Variants in FRAS1 observed in about 807,000 individuals in gnomAD.
The protein encoded by FRAS1 is extracellular matrix organizing protein FRAS1.
Under a neutral mutation model 435.2 loss-of-function variants are expected in FRAS1, and 290 were observed. The observed-to-expected ratio is 0.67, with a 90% CI of 0.61 to 0.73. The LOEUF is 0.73. Among genes scored for constraint, FRAS1 ranks in the 30% least tolerant of loss-of-function variants. The probability of loss-of-function intolerance (pLI) is 0.00; values close to 1 mark genes in which losing one functional copy is unlikely to be tolerated. For missense variants in FRAS1, 4,860 were observed against 5,001.5 expected, an observed-to-expected ratio of 0.97 and a Z score of 0.85; for synonymous variants, 1,800 against 1,851.0, an observed-to-expected ratio of 0.97 and a Z score of 0.71.
chr4:78,183,069 G>A (rs1722102872), intron 2 of FRAS1, among the ~76,000 whole-genome samples: 1 of 152,120 alleles, frequency 6.6e-6, no homozygotes, highest in African/African-American at 2.4e-5. Context: ...AAAACCAGGA[G>A]AGAGCAATGC....
intron 20 of FRAS1, among the ~76,000 whole-genome samples, chr4:78,344,334 A>T (rs1730515328): frequency 6.6e-6 from 1 of 152,084 alleles, no homozygotes; most frequent in South Asian, 2.1e-4. Flanking sequence ...ATTCGCAATG[A>T]TCCTCGAAGG....
At chr4:78,467,430 TCCATTGTGTATATGTA>T in intron 50 of FRAS1, among the ~76,000 whole-genome samples, 1 of 152,354 alleles carries the variant, frequency 6.6e-6, no homozygotes, top group South Asian at 2.1e-4. Context: ...TGAATAGTAC[TCCATTGTGTATATGTA>T]CCACATTTTC....
chr4:78,262,472 A>C (rs1000623542), intron 6 of FRAS1, among the ~76,000 whole-genome samples: 2 of 152,142 alleles, frequency 1.3e-5, no homozygotes, highest in African/African-American at 4.8e-5. Flanking sequence ...GGAAGGTGGA[A>C]AGTTGGGAAG....
chr4:78,333,271 G>C lies in FRAS1; in HGVS notation c.2138-1G>C, dbSNP rs1730016379. ...TCTCCTTTGCTTTATCTTTCCCCCA[G>C]CTTGCCACCAGTCCTGTTTCAGATG... is the stretch of plus-strand genomic sequence containing the variant. On this transcript the variant is annotated splice_acceptor_variant, in intron 18 of 73. Coordinates refer to ENST00000512123, the MANE Select transcript of FRAS1 (RefSeq NM_025074.7). LOFTEE classifies it high-confidence loss of function. 6.2e-7 allele frequency: 1 copy of C among 1,601,078 alleles called. No homozygotes were observed. The highest frequency in any genetic ancestry group is 8.5e-7 in the Non-Finnish European group (1 of 1,174,076).
At chr4:78,267,757 G>A (rs1433996236) in intron 9 of FRAS1, among the ~76,000 whole-genome samples, 3 of 152,212 alleles carry the variant, frequency 2.0e-5, no homozygotes, top group Non-Finnish European at 4.4e-5. Flanking sequence ...ATTGCTGATG[G>A]CCTGCCCAGT....
intron 2 of FRAS1, among the ~76,000 whole-genome samples, chr4:78,194,689 GT>G (rs1347277652): frequency 1.3e-5 from 2 of 151,886 alleles, no homozygotes; most frequent in African/African-American, 4.8e-5. Flanking sequence ...TTTTTTCAAG[GT>G]TTTTAACTTC....
chr4:78,425,722 G>T (rs1320384757), intron 35 of FRAS1, among the ~76,000 whole-genome samples: 3 of 152,116 alleles, frequency 2.0e-5, no homozygotes, highest in Non-Finnish European at 4.4e-5. Flanking sequence ...ATATATGGCA[G>T]ATTTTTATAT....
intron 2 of FRAS1, among the ~76,000 whole-genome samples, chr4:78,074,771 T>G (rs905823447): frequency 2.0e-5 from 3 of 152,124 alleles, no homozygotes; most frequent in African/African-American, 7.2e-5. Context: ...AATAGCACCT[T>G]CCTTCCCTCA....
At chr4:78,333,102 G>A (rs1730009260) in intron 18 of FRAS1, among the ~76,000 whole-genome samples, 170 bp from the exon 19 acceptor site, 1 of 146,710 alleles carries the variant, frequency 6.8e-6, no homozygotes, top group Non-Finnish European at 1.6e-5. Context: ...TTGCTTTGCA[G>A]GAGACTGCCT....
intron 2 of FRAS1, among the ~76,000 whole-genome samples, chr4:78,085,826 G>A (rs566938371): frequency 1.3e-5 from 2 of 152,148 alleles, no homozygotes; most frequent in South Asian, 4.2e-4. Context: ...AATAATAATG[G>A]GAGACTTTAA....
Position 78,466,264 on chromosome 4 carries a change from A to C in FRAS1, c.7086A>C (p.Arg2362=). ...VQPPRHGTIE[R]TSNGQHFHLT... ...CTCCACGCCATGGCACCATCGAGCGAACCAGCAATGGGCAGCATTTCCACC... is the reference window on the plus strand; with the variant it reads ...CTCCACGCCATGGCACCATCGAGCGCACCAGCAATGGGCAGCATTTCCACC... Residue 2362 remains arginine, a synonymous_variant, in exon 50 of 74, where the codon CGA becomes CGC. Coordinates refer to ENST00000512123, the MANE Select transcript of FRAS1 (RefSeq NM_025074.7). The C allele has an allele frequency of 6.2e-7, 1 of 1,613,958 alleles. No homozygotes were observed. Among genetic ancestry groups the C allele is most frequent in the Non-Finnish European group, 8.5e-7 (1 of 1,179,854 alleles).
chr4:78,329,494 C>T (rs1427283942), intron 18 of FRAS1, among the ~76,000 whole-genome samples: 3 of 152,204 alleles, frequency 2.0e-5, no homozygotes, highest in African/African-American at 4.8e-5. Flanking sequence ...TCCATTCAAA[C>T]GGCTCATTTT....
intron 2 of FRAS1, among the ~76,000 whole-genome samples, chr4:78,085,877 G>A (rs995784674): frequency 6.6e-6 from 1 of 152,066 alleles, no homozygotes; most frequent in Non-Finnish European, 1.5e-5. Flanking sequence ...GAGACAGAAA[G>A]TTAACAAGGA....
At chr4:78,091,310 C>A (rs2109898822) in intron 2 of FRAS1, among the ~76,000 whole-genome samples, 1 of 152,228 alleles carries the variant, frequency 6.6e-6, no homozygotes, top group East Asian at 1.9e-4. Flanking sequence ...TTGATTTCTG[C>A]AGTGGCCTCC....
chr4:78,103,651 T>C lies in FRAS1; in HGVS notation c.108+37635T>C, dbSNP rs896502756. 5.9e-5 allele frequency among the ~76,000 whole-genome samples: 9 copies of C among 152,282 alleles called. No homozygotes were observed. In the East Asian group the frequency reaches 1.5e-3, roughly 26 times the overall value. On this transcript the variant is annotated intron_variant, in intron 2 of 73. Transcript: ENST00000512123. ...GATGACGAGGGAAGAGCCCTCATGA[T>C]TGGGGTTAGTGCCTATATAAAAGAG...
chr4:78,172,331 C>A (rs1248805310), intron 2 of FRAS1, among the ~76,000 whole-genome samples: 1 of 152,064 alleles, frequency 6.6e-6, no homozygotes, highest in Non-Finnish European at 1.5e-5. Flanking sequence ...ATGTTATTTA[C>A]CAAGATGGGA....
chr4:78,302,066 C>T (rs1466185718), intron 14 of FRAS1, among the ~76,000 whole-genome samples: 5 of 150,486 alleles, frequency 3.3e-5, no homozygotes, highest in Admixed American at 6.6e-5. Flanking sequence ...CATGTGTTCT[C>T]ATTGTTCAAT....
chr4:78,058,117 T>TGTGC (rs1437741819), intron 1 of FRAS1, 32 bp downstream of exon 1: 20 of 1,541,828 alleles, frequency 1.3e-5, no homozygotes, highest in Non-Finnish European at 1.8e-5. Context: ...TGTGTGTGTG[T>TGTGC]GTGCGTGTGC....
chr4:78,062,451 A>G (rs563609319), intron 1 of FRAS1, among the ~76,000 whole-genome samples: 6 of 152,262 alleles, frequency 3.9e-5, no homozygotes, highest in South Asian at 4.2e-4. Flanking sequence ...GCTTGTTCCT[A>G]ATGAGTCATG....
Sources: allele counts gnomAD v4.1 joint callset (sites outside exome capture counted in the v4.1 genomes callset), GRCh38; gene constraint gnomAD v4.1.1; transcripts MANE v1.5; gene names NCBI Gene and HGNC (gene_info 2026-07-23, HGNC 2026-07-21).